Variants in SPTBN1 observed in about 807,000 individuals in gnomAD.
The protein encoded by SPTBN1 is spectrin beta chain, non-erythrocytic 1.
SPTBN1 carries 32 observed loss-of-function variants against 266.4 expected under a neutral mutation model. The observed-to-expected ratio is 0.12, with a 90% CI of 0.09 to 0.16. The LOEUF is 0.16. Ranked by LOEUF, SPTBN1 falls within the 10% of genes least tolerant of loss-of-function variation. The pLI, the probability that SPTBN1 is intolerant of heterozygous loss-of-function variation, is 1.00. For synonymous variants in SPTBN1, 1,336 were observed against 1,162.2 expected, an observed-to-expected ratio of 1.15 and a Z score of -3.04; for missense variants, 2,296 against 3,067.1, an observed-to-expected ratio of 0.75 and a Z score of 5.94.
At chr2:54,576,215 C>G (rs900940493) in intron 2 of SPTBN1, among the ~76,000 whole-genome samples, 1 of 151,846 alleles carries the variant, frequency 6.6e-6, no homozygotes, top group Non-Finnish European at 1.5e-5. Context: ...CCACCACTCC[C>G]GGCTAATGTT....
chr2:54,648,698 C>T (rs954776625), intron 24 of SPTBN1, among the ~76,000 whole-genome samples: 10 of 152,318 alleles, frequency 6.6e-5, no homozygotes, highest in Middle Eastern at 6.8e-3. Context: ...CTCCTGCCCC[C>T]ACTATTCACT....
intron 2 of SPTBN1, among the ~76,000 whole-genome samples, chr2:54,593,631 G>T (rs1675832915): frequency 6.6e-6 from 1 of 151,936 alleles, no homozygotes; most frequent in African/African-American, 2.4e-5. Flanking sequence ...GAAGTGAGGA[G>T]ACCTATTCTG....
At chr2:54,590,358 A>C (rs1238622484) in intron 2 of SPTBN1, among the ~76,000 whole-genome samples, 1 of 152,210 alleles carries the variant, frequency 6.6e-6, no homozygotes, top group Non-Finnish European at 1.5e-5. Flanking sequence ...ACCACCACCA[A>C]CAATAAGATT....
chr2:54,488,747 G>A (rs1668537268), intron 1 of SPTBN1, among the ~76,000 whole-genome samples: 1 of 151,776 alleles, frequency 6.6e-6, no homozygotes, highest in African/African-American at 2.4e-5. Context: ...ATTTTGTGTA[G>A]GGAAAAAAAA....
chr2:54,594,883 G>T (rs920232042), intron 2 of SPTBN1, among the ~76,000 whole-genome samples: 1 of 130,032 alleles, frequency 7.7e-6, no homozygotes, highest in South Asian at 2.3e-4. Flanking sequence ...TGCCAAGGCT[G>T]GAGTGCAATG....
At chr2:54,614,129 A>C (rs1677414951) in intron 4 of SPTBN1, among the ~76,000 whole-genome samples, 1 of 152,156 alleles carries the variant, frequency 6.6e-6, no homozygotes, top group Non-Finnish European at 1.5e-5. Context: ...TAGGCTGCTG[A>C]TGTTACCGCG....
intron 2 of SPTBN1, among the ~76,000 whole-genome samples, chr2:54,589,831 A>G (rs1362403916): frequency 2.0e-5 from 3 of 152,094 alleles, no homozygotes; most frequent in Non-Finnish European, 4.4e-5. Context: ...GAAATGATTT[A>G]TTTATTTTTT....
chr2:54,518,348 A>C (rs948555570), intron 1 of SPTBN1, among the ~76,000 whole-genome samples: 1 of 152,052 alleles, frequency 6.6e-6, no homozygotes, highest in African/African-American at 2.4e-5. Context: ...AGAAATGCCT[A>C]AAGTAAATGA....
rs375805166 is a variant in SPTBN1, at chr2:54,653,567, C to T, written c.5578-42C>T. 1.5e-5 allele frequency: 24 copies of T among 1,597,438 alleles called. No homozygotes were observed. The highest frequency in any genetic ancestry group is 3.7e-5 in the Admixed American group (2 of 54,666). The stretch of plus-strand genomic sequence containing the variant: ...GGGCTTGGGGTGATGGTGGGAAGGC[C>T]GCCATGGGCTGACCTGGCTCATCCC... On this transcript the variant is annotated intron_variant, in intron 26 of 35. Coordinates refer to ENST00000356805, the MANE Select transcript of SPTBN1 (RefSeq NM_003128.3). This position sits in a 1 kb window ranked among gnomAD's most constrained non-coding sequence, Gnocchi z 5.1.
chr2:54,662,449 C>A (rs1425850524), intron 32 of SPTBN1: 1 of 355,084 alleles, frequency 2.8e-6, no homozygotes, highest in Non-Finnish European at 3.9e-6. Flanking sequence ...GCTTCCCTGG[C>A]CTTCATCTAC....
At chr2:54,640,886 G>T (rs1471566082) in intron 18 of SPTBN1, among the ~76,000 whole-genome samples, 2 of 152,180 alleles carry the variant, frequency 1.3e-5, no homozygotes, top group African/African-American at 4.8e-5. Context: ...CCTGAAAAAC[G>T]AATGAATGAT....
chr2:54,513,979 G>C (rs1669986039), intron 1 of SPTBN1, among the ~76,000 whole-genome samples: 1 of 152,158 alleles, frequency 6.6e-6, no homozygotes, highest in African/African-American at 2.4e-5. Flanking sequence ...ATTATATTTA[G>C]ATTTTAGAGA....
At chr2:54,592,761 A>G (rs1012437079) in intron 2 of SPTBN1, among the ~76,000 whole-genome samples, 5 of 152,234 alleles carry the variant, frequency 3.3e-5, no homozygotes, top group African/African-American at 1.2e-4. Context: ...AACAAAAGAT[A>G]GTGAATCTCA....
rs1681456226 is a variant in SPTBN1 at position 54,667,732 on chromosome 2, A to C, written c.6876+86A>C. ...ATGGGCTTTATTCAGAAAGTTCTTCATGTAAATGATGATCAGTGATGGTTT... is the reference window on the plus strand; with the variant it reads ...ATGGGCTTTATTCAGAAAGTTCTTCCTGTAAATGATGATCAGTGATGGTTT... On this transcript the variant is annotated intron_variant, in intron 35 of 35. Transcript: ENST00000356805. 4 of 1,210,986 alleles carry C rather than the reference A, an allele frequency of 3.3e-6. No individual in the cohort carries two copies. The Admixed American group carries it at 7.1e-5, about 21-fold the overall frequency. The allele number at this position is 1,210,986 out of a possible 1,614,324, so 75.0% of individuals were successfully genotyped here.
At chr2:54,478,853 C>G (rs962091441) in intron 1 of SPTBN1, among the ~76,000 whole-genome samples, 3 of 151,830 alleles carry the variant, frequency 2.0e-5, no homozygotes, top group Non-Finnish European at 4.4e-5. Context: ...TGAAAATACA[C>G]AATACCAGAG....
intron 10 of SPTBN1, 128 bp downstream of exon 10, chr2:54,623,724 G>T: frequency 1.4e-6 from 1 of 719,152 alleles, no homozygotes; most frequent in Non-Finnish European, 2.3e-6. Context: ...TTGACAATTG[G>T]CAGCTGGTGC....
intron 1 of SPTBN1, among the ~76,000 whole-genome samples, chr2:54,477,639 C>T (rs923502381): frequency 1.3e-5 from 2 of 152,076 alleles, no homozygotes; most frequent in South Asian, 2.1e-4. Context: ...GTAGGCTGGG[C>T]GCGGTGGCTC....
chr2:54,500,401 T>C (rs1165991600), intron 1 of SPTBN1, among the ~76,000 whole-genome samples: 4 of 152,170 alleles, frequency 2.6e-5, no homozygotes, highest in African/African-American at 9.7e-5. Flanking sequence ...TGTTTTTTTT[T>C]CATCTCGATC....
chr2:54,479,637 G>C (rs1158940639), intron 1 of SPTBN1, among the ~76,000 whole-genome samples: 1 of 152,210 alleles, frequency 6.6e-6, no homozygotes, highest in African/African-American at 2.4e-5. Flanking sequence ...CCTAATCTTG[G>C]TGTCTTGGTT....
Sources: gnomAD v4.1 joint callset for allele counts (sites outside exome capture counted in the v4.1 genomes callset) on GRCh38, gnomAD v4.1.1 for gene constraint, Gnocchi (gnomAD v3.1) non-coding constraint, MANE v1.5 for transcripts, NCBI Gene and HGNC (gene_info 2026-07-23, HGNC 2026-07-21) for gene names.